The following GATA6 variants were observed in gnomAD, a reference collection of about 807,000 sequenced individuals.
GATA6 encodes GATA binding protein 6.
Under a neutral mutation model 48.1 loss-of-function variants are expected in GATA6, and 11 were observed. The ratio of observed to expected loss-of-function variants is 0.23; its 90% CI spans 0.14 to 0.38. The LOEUF (loss-of-function observed/expected upper bound fraction) is 0.38, where lower values mean the gene tolerates loss of function less well. GATA6 is among the 10% of genes least tolerant of loss of function. The pLI is 1.00. For missense variants in GATA6, 795 were observed against 850.3 expected, an observed-to-expected ratio of 0.93 and a Z score of 0.81; for synonymous variants, 419 against 396.1, an observed-to-expected ratio of 1.06 and a Z score of -0.69.
At chr18:22,187,330 CTT>C (rs1381994158) in intron 6 of GATA6, among the ~76,000 whole-genome samples, 2 of 151,942 alleles carry the variant, frequency 1.3e-5, no homozygotes, top group African/African-American at 2.4e-5. Flanking sequence ...AAAATACAAA[CTT>C]AGCCAGGCAC....
chr18:22,182,383 G>A (rs984410553), intron 4 of GATA6, among the ~76,000 whole-genome samples: 1 of 148,810 alleles, frequency 6.7e-6, no homozygotes, highest in African/African-American at 2.5e-5. Flanking sequence ...TTGAGATGGA[G>A]TCTAACTCTT....
At chr18:22,174,699 G>C (rs1199689766) in intron 2 of GATA6, among the ~76,000 whole-genome samples, 3 of 151,778 alleles carry the variant, frequency 2.0e-5, no homozygotes, top group African/African-American at 7.3e-5. Flanking sequence ...TCTGAGGCCA[G>C]CTTCCTAGCT....
At chr18:22,177,966 T>G (rs1183623694) in intron 3 of GATA6, among the ~76,000 whole-genome samples, 27 of 137,984 alleles carry the variant, frequency 2.0e-4, no homozygotes, top group South Asian at 1.4e-3. Flanking sequence ...TTTTTTTTTT[T>G]TTTTTTTTTT....
Position 22,172,181 on chromosome 18 carries a change from C to T in GATA6, c.1037C>T (p.Thr346Met), listed in dbSNP as rs2033062495. The change falls in exon 2 of 7, where the codon ACG (threonine) becomes ATG (methionine). Residue 346 changes from threonine to methionine, a missense_variant. Physicochemically the swap from Thr to Met is moderately conservative, Grantham distance 81 (BLOSUM62 -1). Coordinates refer to ENST00000269216, the MANE Select transcript of GATA6 (RefSeq NM_005257.6). This position sits in a 1 kb window ranked among gnomAD's most constrained non-coding sequence, Gnocchi z 5.2. ...TCGCCCTACGTGGGGGCGCCACTGA[C>T]GCCTGCCTGGCCCGCCGGACCCTTC... ...PYSPYVGAPL[T>M]PAWPAGPFET... The T allele has an allele frequency of 1.3e-6, 2 of 1,532,614 alleles. No individual in the cohort carries two copies. Among genetic ancestry groups the T allele is most frequent in the Non-Finnish European group, 1.7e-6 (2 of 1,145,228 alleles). 94.9% of individuals were successfully genotyped at this position (1,532,614 alleles called of 1,614,324 possible).
chr18:22,180,819 G>A (rs902947654), intron 3 of GATA6, among the ~76,000 whole-genome samples: 2 of 151,916 alleles, frequency 1.3e-5, no homozygotes, highest in South Asian at 2.1e-4. Context: ...GGTGATCTCC[G>A]GTTTTCAGGG....
intron 6 of GATA6, among the ~76,000 whole-genome samples, chr18:22,191,856 C>CTAATGATT (rs2033331440): frequency 6.6e-6 from 1 of 152,114 alleles, no homozygotes; most frequent in African/African-American, 2.4e-5. Flanking sequence ...ATTCTAATGT[C>CTAATGATT]CTGTTGGGGT....
At chr18:22,195,098 G>A (rs373919260) in intron 6 of GATA6, among the ~76,000 whole-genome samples, 3 of 152,136 alleles carry the variant, frequency 2.0e-5, no homozygotes, top group African/African-American at 4.8e-5. Flanking sequence ...CTCGGGAGGC[G>A]GAGGTTGTAG....
rs1409727715 is a variant in GATA6, at chr18:22,170,955, G to A, written c.-37-153G>A. The stretch of plus-strand genomic sequence containing the variant: ...CTTATTGATCTCCACGCCCGGGGCA[G>A]AAATAGGATCTTTGAGAAGTCTCAA... On this transcript the variant is annotated intron_variant, in intron 1 of 6. Coordinates refer to ENST00000269216, the MANE Select transcript of GATA6 (RefSeq NM_005257.6). This position sits in a 1 kb window ranked among gnomAD's most constrained non-coding sequence, Gnocchi z 6.7. The A allele has an allele frequency of 1.6e-6, 1 of 620,952 alleles. No individual in the cohort carries two copies. The highest frequency in any genetic ancestry group is 1.9e-5 in the South Asian group (1 of 52,076). The allele number at this position is 620,952 out of a possible 1,614,324, so 38.5% of individuals were successfully genotyped here. A position where few individuals can be genotyped will look rare whatever the true frequency, so the allele number is the denominator to read the frequency against.
At chr18:22,199,206 G>T (rs989211287) in intron 6 of GATA6, among the ~76,000 whole-genome samples, 1 of 152,126 alleles carries the variant, frequency 6.6e-6, no homozygotes. Flanking sequence ...GTGGAGGCTC[G>T]GCACACTTCC....
At position 22,199,935 on chromosome 18, in the gene GATA6, T is replaced by C. The variant is rs560953572; in HGVS notation, c.1621-721T>C. On this transcript the variant is annotated intron_variant, in intron 6 of 6. Transcript: ENST00000269216. ...AAAAAAAAAAAAAAGAAAGAAATCA[T>C]TGCCATGATCATGGCAGATAGAGGA... Among the ~76,000 whole-genome samples the C allele has an allele frequency of 8.0e-5, 12 of 150,732 alleles. No individual in the cohort carries two copies. In the East Asian group the frequency reaches 2.3e-3, roughly 29 times the overall value.
chr18:22,195,608 A>G (rs2033379831), intron 6 of GATA6, among the ~76,000 whole-genome samples: 1 of 152,258 alleles, frequency 6.6e-6, no homozygotes, highest in Admixed American at 6.5e-5. Context: ...GATGGCTAAT[A>G]GACTTGGCCC....
At chr18:22,195,043 G>A (rs1217504360) in intron 6 of GATA6, among the ~76,000 whole-genome samples, 1 of 152,044 alleles carries the variant, frequency 6.6e-6, no homozygotes, top group Admixed American at 6.5e-5. Context: ...GTGGGCGCCT[G>A]TAATCCCAGC....
chr18:22,172,009 G>C lies in GATA6; in HGVS notation c.865G>C (p.Gly289Arg). 2 of 1,238,632 alleles carry C rather than the reference G, an allele frequency of 1.6e-6. No individual in the cohort carries two copies. Among genetic ancestry groups the C allele is most frequent in the Non-Finnish European group, 2.0e-6 (2 of 993,678 alleles). The allele number at this position is 1,238,632 out of a possible 1,614,324, so 76.7% of individuals were successfully genotyped here. A position where few individuals can be genotyped will look rare whatever the true frequency, so the allele number is the denominator to read the frequency against. Residue 289 changes from glycine to arginine, a missense_variant, in exon 2 of 7, where the codon GGC becomes CGC. Coordinates refer to ENST00000269216, the MANE Select transcript of GATA6 (RefSeq NM_005257.6). This position sits in a 1 kb window ranked among gnomAD's most constrained non-coding sequence, Gnocchi z 5.2. ...AGGCTACGCGGCGGCGGGCAGTGGG[G>C]GCGCGGGAGGCGTGAGCGGCGGCGG... ...PGGYAAAGSG[G>R]AGGVSGGGSS...
Position 22,171,956 on chromosome 18 carries a change from T to A in GATA6, c.812T>A (p.Met271Lys). Reference protein sequence around the residue: ...ARFPYSPSPPMANGAAREPGG... With the variant: ...ARFPYSPSPPKANGAAREPGG... ...TTCCCCTACTCTCCCAGCCCGCCCATGGCCAACGGCGCCGCGCGGGAGCCG... is the reference window on the plus strand; with the variant it reads ...TTCCCCTACTCTCCCAGCCCGCCCAAGGCCAACGGCGCCGCGCGGGAGCCG... The change falls in exon 2 of 7, where the codon ATG (methionine) becomes AAG (lysine). Residue 271 changes from methionine to lysine, a missense_variant. Met to Lys is a moderately conservative substitution (Grantham distance 95). Around this residue, in one of 5 missense-constraint regions of GATA6, gnomAD observed 591 missense variants for 570.0 expected, o/e 1.04. Coordinates refer to ENST00000269216, the MANE Select transcript of GATA6 (RefSeq NM_005257.6). This position sits in a 1 kb window ranked among gnomAD's most constrained non-coding sequence, Gnocchi z 7.1. The A allele has an allele frequency of 8.3e-7, 1 of 1,201,374 alleles. No individual in the cohort carries two copies. Among genetic ancestry groups the A allele is most frequent in the African/African-American group, 1.6e-5 (1 of 62,996 alleles). 74.4% of individuals were successfully genotyped at this position (1,201,374 alleles called of 1,614,324 possible). A position where few individuals can be genotyped will look rare whatever the true frequency, so the allele number is the denominator to read the frequency against.
intron 2 of GATA6, among the ~76,000 whole-genome samples, chr18:22,173,857 ACTCTT>A (rs951423349): frequency 2.0e-5 from 3 of 151,520 alleles, no homozygotes; most frequent in African/African-American, 7.3e-5. Flanking sequence ...CTGTTTTTGA[ACTCTT>A]GACTTCAGGC....
At chr18:22,174,725 T>C (rs1028436184) in intron 2 of GATA6, among the ~76,000 whole-genome samples, 2 of 149,388 alleles carry the variant, frequency 1.3e-5, no homozygotes, top group African/African-American at 5.0e-5. Flanking sequence ...TCCTGTTTCT[T>C]AGATTTTTTT....
Position 22,171,384 on chromosome 18 carries a change from C to G in GATA6, c.240C>G (p.Leu80=), listed in dbSNP as rs1250115084. 1 of 1,588,072 alleles carries G rather than the reference C, an allele frequency of 6.3e-7. No homozygotes were observed. The highest frequency in any genetic ancestry group is 8.5e-7 in the Non-Finnish European group (1 of 1,174,932). ...GACCCCCGGCCCGCTCGCTGCTGCT[C>G]AGTTCCTACGCTTCGCATCCCTTCG... The part of the protein sequence containing the change: ...AAGPPARSLL[L]SSYASHPFGA... The change falls in exon 2 of 7, where the codon CTC becomes CTG. Residue 80 remains leucine, a synonymous_variant. Coordinates refer to ENST00000269216, the MANE Select transcript of GATA6 (RefSeq NM_005257.6). This position sits in a 1 kb window ranked among gnomAD's most constrained non-coding sequence, Gnocchi z 7.1.
intron 6 of GATA6, among the ~76,000 whole-genome samples, chr18:22,193,648 A>C (rs147862185): frequency 2.0e-5 from 3 of 152,334 alleles, no homozygotes; most frequent in Non-Finnish European, 2.9e-5. Context: ...TGAAGGAGGC[A>C]TGTGATCACC....
At chr18:22,190,198 CA>C (rs747390088) in intron 6 of GATA6, among the ~76,000 whole-genome samples, 6 of 152,062 alleles carry the variant, frequency 3.9e-5, no homozygotes, top group Non-Finnish European at 8.8e-5. Context: ...ACAGTTAATG[CA>C]AATTTTCTTA....
Sources: gnomAD v4.1 joint callset for allele counts (sites outside exome capture counted in the v4.1 genomes callset) on GRCh38, gnomAD v4.1.1 for gene constraint, gnomAD v4.1.1 regional missense constraint, Gnocchi (gnomAD v3.1) non-coding constraint, MANE v1.5 for transcripts, NCBI Gene and HGNC (gene_info 2026-07-23, HGNC 2026-07-21) for gene names.